PTPRD: variants seen among roughly 807,000 people sequenced by gnomAD.
PTPRD encodes the protein receptor-type tyrosine-protein phosphatase delta.
Under a neutral mutation model 214.5 loss-of-function variants are expected in PTPRD, and 34 were observed. The observed-to-expected ratio is 0.16, with a 90% CI of 0.12 to 0.21. The LOEUF is 0.21. PTPRD is among the 10% of genes least tolerant of loss of function. The pLI is 1.00. For synonymous variants in PTPRD, 1,128 were observed against 845.7 expected (o/e 1.33, Z -5.79); for missense variants, 2,545 against 2,398.7 (o/e 1.06, Z -1.27).
intron 11 of PTPRD, among the ~76,000 whole-genome samples, chr9:8,924,536 A>C (rs2098852176): frequency 1.3e-5 from 2 of 152,130 alleles, no homozygotes; most frequent in African/African-American, 2.4e-5. Flanking sequence ...TCAAAGTGGT[A>C]CCTGAATTTC....
At chr9:9,635,350 CT>C (rs771617530) in intron 7 of PTPRD, among the ~76,000 whole-genome samples, 3 of 152,080 alleles carry the variant, frequency 2.0e-5, no homozygotes, top group Non-Finnish European at 4.4e-5. Context: ...AACTTAGAAG[CT>C]TTTTGGTTCA....
chr9:9,449,027 C>T (rs990530998), intron 8 of PTPRD, among the ~76,000 whole-genome samples: 3 of 152,040 alleles, frequency 2.0e-5, no homozygotes, highest in Non-Finnish European at 4.4e-5. Context: ...CCTTTATGGA[C>T]CATGTTATTA....
rs956469110 is a variant in PTPRD at position 10,223,478 on chromosome 9, A to G, written c.-545+117485T>C. Among the ~76,000 whole-genome samples the G allele has an allele frequency of 2.0e-5, 3 of 151,914 alleles. 1 individual carries two copies. Among genetic ancestry groups the G allele is most frequent in the Admixed American group, 1.3e-4 (2 of 15,202 alleles). ...CCAGGAGTTAGGACCAGCCTGGCCA[A>G]TGTGGCAAAACCCTGTCTTTACTAA... On this transcript the variant is annotated intron_variant, in intron 3 of 45. Transcript: ENST00000381196.
chr9:8,432,653 A>C (rs7040015), intron 35 of PTPRD, among the ~76,000 whole-genome samples: 46,996 of 152,140 alleles, frequency 0.31, 7,405 homozygotes, highest in East Asian at 0.39. Flanking sequence ...GTAAAAATCT[A>C]TTCAAATTTA....
chr9:9,433,029 C>T (rs189711147), intron 8 of PTPRD, among the ~76,000 whole-genome samples: 148 of 152,166 alleles, frequency 9.7e-4, no homozygotes, highest in African/African-American at 3.3e-3. Context: ...TTTCCGAATG[C>T]AAGCGTGTGT....
In PTPRD at chr9:9,710,975, CGT is replaced by C. The variant is rs35078738; in HGVS notation, c.-287+23556_-287+23557del. The stretch of plus-strand genomic sequence containing the variant: ...CTGAGAGCGAGCGAGCGAGAGAGAG[CGT>C]GTGTGTGTGTGTGTGTGTATGCACA... On this transcript the variant is annotated intron_variant, in intron 7 of 45. Coordinates refer to ENST00000381196, the MANE Select transcript of PTPRD (RefSeq NM_002839.4). 9.7e-4 allele frequency among the ~76,000 whole-genome samples: 145 copies of C among 148,994 alleles called. 1 individual carries two copies. Among genetic ancestry groups the C allele is most frequent in the African/African-American group, 1.9e-3 (76 of 40,824 alleles).
rs1175875551 is a variant in PTPRD, at chr9:9,653,348, C to CAA, written c.-286-78569_-286-78568dup. On this transcript the variant is annotated intron_variant, in intron 7 of 45. Transcript: ENST00000381196. Reference sequence around the variant, plus strand: ...TGGGCGACAGAGCGAGACTCCGTCTCAAAAAAAAAAAAAAAAAAAAAAAAA... The same window carrying CAA: ...TGGGCGACAGAGCGAGACTCCGTCTCAAAAAAAAAAAAAAAAAAAAAAAAAAA... Among the ~76,000 whole-genome samples, 104 of 32,502 alleles carry CAA rather than the reference C, an allele frequency of 3.2e-3. 28 individuals carry two copies. Among genetic ancestry groups the CAA allele is most frequent in the South Asian group, 6.7e-3 (3 of 446 alleles). The allele number at this position is 32,502 out of a possible 152,430, so 21.3% of individuals were successfully genotyped here. A position where few individuals can be genotyped will look rare whatever the true frequency, so the allele number is the denominator to read the frequency against.
At chr9:8,944,127 A>T (rs112174161) in intron 11 of PTPRD, among the ~76,000 whole-genome samples, 1 of 152,126 alleles carries the variant, frequency 6.6e-6, no homozygotes, top group Non-Finnish European at 1.5e-5. Flanking sequence ...AAAGACACAA[A>T]TGGCAAAAAG....
At chr9:9,903,039 C>G (rs1029578663) in intron 5 of PTPRD, among the ~76,000 whole-genome samples, 2 of 151,502 alleles carry the variant, frequency 1.3e-5, no homozygotes, top group South Asian at 4.1e-4. Flanking sequence ...CAGTAAAAAT[C>G]AAGGATTTTA....
In PTPRD at chr9:10,456,612, G is replaced by C. The variant is rs529469812; in HGVS notation, c.-599-115595C>G. The stretch of plus-strand genomic sequence containing the variant: ...CTCTGGAAAAAGAACACAAATTCTG[G>C]CAAAACAGTAAGGCAGGCTTTGATG... On this transcript the variant is annotated intron_variant, in intron 2 of 45. Transcript: ENST00000381196. 9.9e-5 allele frequency among the ~76,000 whole-genome samples: 15 copies of C among 151,934 alleles called. 2 individuals carry two copies. The highest frequency in any genetic ancestry group is 3.6e-4 in the African/African-American group (15 of 41,514).
At chr9:9,888,016 T>C (rs1171293124) in intron 5 of PTPRD, among the ~76,000 whole-genome samples, 2 of 152,068 alleles carry the variant, frequency 1.3e-5, no homozygotes, top group African/African-American at 2.4e-5. Context: ...GGCAAGACAA[T>C]GACCTGGGGA....
intron 2 of PTPRD, among the ~76,000 whole-genome samples, chr9:10,483,040 T>A (rs2099110660): frequency 6.6e-6 from 1 of 152,120 alleles, no homozygotes; most frequent in Non-Finnish European, 1.5e-5. Context: ...CAAATTATAT[T>A]GTAAGGCTAT....
chr9:9,950,028 T>A (rs957607629), intron 4 of PTPRD, among the ~76,000 whole-genome samples: 1 of 152,202 alleles, frequency 6.6e-6, no homozygotes, highest in Non-Finnish European at 1.5e-5. Flanking sequence ...ATAAAGTCTC[T>A]TAGTTATTCT....
chr9:9,178,353 C>A (rs1179422410), intron 10 of PTPRD, among the ~76,000 whole-genome samples: 1 of 151,298 alleles, frequency 6.6e-6, no homozygotes, highest in Non-Finnish European at 1.5e-5. Flanking sequence ...TCTCTTTTTC[C>A]TCACTTCCTC....
intron 7 of PTPRD, among the ~76,000 whole-genome samples, chr9:9,722,878 T>A (rs983923395): frequency 3.3e-5 from 5 of 152,132 alleles, no homozygotes; most frequent in Admixed American, 2.0e-4. Context: ...TCATTTGCAT[T>A]TTTTAAATTG....
chr9:10,529,946 C>T (rs896709930), intron 2 of PTPRD, among the ~76,000 whole-genome samples: 1 of 151,692 alleles, frequency 6.6e-6, no homozygotes, highest in Non-Finnish European at 1.5e-5. Context: ...AGACAAATAC[C>T]TAAGGCATGT....
At chr9:10,203,173 T>C (rs1209970679) in intron 3 of PTPRD, among the ~76,000 whole-genome samples, 2 of 151,048 alleles carry the variant, frequency 1.3e-5, no homozygotes, top group African/African-American at 4.9e-5. Context: ...CTCTCTCTTT[T>C]TTTTTTTTTT....
chr9:8,505,448 C>T (rs1186084793), intron 22 of PTPRD, among the ~76,000 whole-genome samples: 2 of 151,618 alleles, frequency 1.3e-5, no homozygotes, highest in African/African-American at 4.8e-5. Context: ...TGGTGAAATC[C>T]CATCTCTCCT....
intron 11 of PTPRD, among the ~76,000 whole-genome samples, chr9:8,823,712 G>A (rs2097121787): frequency 6.6e-6 from 1 of 152,072 alleles, no homozygotes; most frequent in South Asian, 2.1e-4. Flanking sequence ...AGGAAAGGCG[G>A]AAGGAAGGAA....
Sources: gnomAD v4.1 joint callset for allele counts (sites outside exome capture counted in the v4.1 genomes callset) on GRCh38, gnomAD v4.1.1 for gene constraint, MANE v1.5 for transcripts, NCBI Gene and HGNC (gene_info 2026-07-23, HGNC 2026-07-21) for gene names.